The following PAPPA variants were observed in gnomAD, a reference collection of about 807,000 sequenced individuals.
The protein encoded by PAPPA is pappalysin 1.
PAPPA carries 60 observed loss-of-function variants against 164.0 expected under a neutral mutation model. The observed-to-expected ratio is 0.37, with a 90% CI of 0.30 to 0.45. PAPPA has a LOEUF of 0.45. Ranked by LOEUF, PAPPA falls within the 20% of genes least tolerant of loss-of-function variation. PAPPA has a pLI of 1.00. For missense variants in PAPPA, 1,782 were observed against 2,087.3 expected (o/e 0.85, Z 2.85); for synonymous variants, 875 against 814.1 (o/e 1.07, Z -1.27).
At chr9:116,332,944 A>C (rs1164559568) in intron 12 of PAPPA, 5 of 154,178 alleles carry the variant, frequency 3.2e-5, no homozygotes, top group African/African-American at 1.2e-4. Flanking sequence ...TGGGGACTGT[A>C]TCACCAGTAC....
intron 9 of PAPPA, among the ~76,000 whole-genome samples, chr9:116,275,190 A>G (rs532162579): frequency 6.6e-6 from 1 of 152,332 alleles, no homozygotes; most frequent in African/African-American, 2.4e-5. Context: ...GTTTTTGTTG[A>G]CTGTCACTCA....
chr9:116,331,397 G>A (rs376148072), intron 11 of PAPPA, 40 bp downstream of exon 11: 5 of 1,236,782 alleles, frequency 4.0e-6, no homozygotes, highest in South Asian at 3.6e-5. Context: ...CTCCAGCAGC[G>A]AGCCACAGAA....
At chr9:116,373,615 G>C (rs1846605123) in intron 19 of PAPPA, 1 of 151,910 alleles carries the variant, frequency 6.6e-6, no homozygotes, top group Non-Finnish European at 1.5e-5. Flanking sequence ...CTGTCTTCTT[G>C]GGCCTTCATC....
chr9:116,256,221 T>C (rs1844926004), intron 7 of PAPPA, among the ~76,000 whole-genome samples: 1 of 151,960 alleles, frequency 6.6e-6, no homozygotes, highest in African/African-American at 2.4e-5. Flanking sequence ...TTACTAAATT[T>C]TGACTTTGGT....
intron 7 of PAPPA, among the ~76,000 whole-genome samples, chr9:116,251,987 A>G (rs577574928): frequency 9.9e-5 from 15 of 152,258 alleles, no homozygotes; most frequent in African/African-American, 3.1e-4. Context: ...TTTCCCTTCT[A>G]TTTTGTTTTA....
At chr9:116,310,401 G>T (rs1000204507) in intron 10 of PAPPA, among the ~76,000 whole-genome samples, 4 of 152,148 alleles carry the variant, frequency 2.6e-5, no homozygotes, top group African/African-American at 7.2e-5. Context: ...GAGCACGTGT[G>T]CAAGTCATCT....
In PAPPA at chr9:116,398,469, T is replaced by G. The variant is rs8653; in HGVS notation, c.*1853T>G. ...ATCCAAGGCAGGTGTTGTTAATCTA[T>G]CATAGCACTTAAAAAAAAAAAAAAA... On this transcript the variant is annotated 3_prime_UTR_variant, in exon 22 of 22. Transcript: ENST00000328252. 260,120 of 720,434 alleles carry G rather than the reference T, an allele frequency of 0.36. 50,349 individuals carry two copies. Among genetic ancestry groups the G allele is most frequent in the Non-Finnish European group, 0.4 (204,200 of 516,620 alleles). The allele number at this position is 720,434 out of a possible 1,614,324, so 44.6% of individuals were successfully genotyped here.
chr9:116,180,600 C>T (rs964308822), intron 1 of PAPPA, among the ~76,000 whole-genome samples: 1 of 152,102 alleles, frequency 6.6e-6, no homozygotes, highest in African/African-American at 2.4e-5. Flanking sequence ...TTTTCTCCTT[C>T]TATATCTACT....
intron 2 of PAPPA, among the ~76,000 whole-genome samples, chr9:116,200,147 A>C (rs1055663732): frequency 1.3e-5 from 2 of 152,136 alleles, no homozygotes; most frequent in Admixed American, 1.3e-4. Context: ...CAACCTTGCA[A>C]GTGAGGGCTT....
At chr9:116,202,691 T>C (rs1844185257) in intron 2 of PAPPA, among the ~76,000 whole-genome samples, 1 of 152,110 alleles carries the variant, frequency 6.6e-6, no homozygotes, top group Non-Finnish European at 1.5e-5. Context: ...TACTGCTGTT[T>C]GGTTTTTGGC....
chr9:116,180,652 A>C (rs117687474), intron 1 of PAPPA, among the ~76,000 whole-genome samples: 3 of 152,166 alleles, frequency 2.0e-5, no homozygotes. Context: ...AATTGCATAT[A>C]AATTGTCATC....
intron 9 of PAPPA, among the ~76,000 whole-genome samples, chr9:116,276,144 C>T (rs922665482): frequency 4.6e-5 from 7 of 152,186 alleles, no homozygotes; most frequent in African/African-American, 1.7e-4. Flanking sequence ...CAGGCACTGG[C>T]TGCAGGCATT....
At chr9:116,158,998 C>T (rs1313105401) in intron 1 of PAPPA, among the ~76,000 whole-genome samples, 3 of 152,200 alleles carry the variant, frequency 2.0e-5, no homozygotes, top group African/African-American at 7.2e-5. Flanking sequence ...GGAACATTTC[C>T]ATTCCTTTCT....
chr9:116,305,543 A>C (rs975748779), intron 10 of PAPPA, among the ~76,000 whole-genome samples: 3 of 152,180 alleles, frequency 2.0e-5, no homozygotes, highest in Admixed American at 6.5e-5. Context: ...TGGGAGTACC[A>C]AAGCAGATAG....
rs550101368 is a variant in PAPPA, at chr9:116,277,224, T to C, written c.2953+5808T>C. 7.9e-5 allele frequency among the ~76,000 whole-genome samples: 12 copies of C among 152,302 alleles called. No homozygotes were observed. In the East Asian group the frequency reaches 2.3e-3, roughly 29 times the overall value. Reference sequence around the variant, plus strand: ...AAATAAAACTTCTCCAGACTGCATGTATTCAATCAGACCTCCCTCCGTGGA... The same window carrying C: ...AAATAAAACTTCTCCAGACTGCATGCATTCAATCAGACCTCCCTCCGTGGA... On this transcript the variant is annotated intron_variant, in intron 9 of 21. Transcript: ENST00000328252.
intron 5 of PAPPA, among the ~76,000 whole-genome samples, chr9:116,223,792 A>G (rs984794457): frequency 2.6e-5 from 4 of 152,224 alleles, no homozygotes; most frequent in Non-Finnish European, 5.9e-5. Context: ...ATGCCAGGTC[A>G]TACATTTCCC....
chr9:116,262,426 T>A (rs1161805789), intron 7 of PAPPA, among the ~76,000 whole-genome samples: 2 of 152,218 alleles, frequency 1.3e-5, no homozygotes, highest in African/African-American at 4.8e-5. Flanking sequence ...TCTCAGGTGA[T>A]CTGCTAAAAT....
chr9:116,221,225 G>T (rs572497779), intron 5 of PAPPA, among the ~76,000 whole-genome samples: 2 of 152,128 alleles, frequency 1.3e-5, no homozygotes, highest in African/African-American at 4.8e-5. Flanking sequence ...AGCTCTAAGG[G>T]GACCAGATTT....
chr9:116,266,484 G>A (rs10983092), intron 8 of PAPPA, among the ~76,000 whole-genome samples: 26,403 of 152,126 alleles, frequency 0.17, 2,556 homozygotes, highest in Admixed American at 0.28. Flanking sequence ...AAAAACAGTG[G>A]AGTATTTTAA....
Sources: allele counts gnomAD v4.1 joint callset (sites outside exome capture counted in the v4.1 genomes callset), GRCh38; gene constraint gnomAD v4.1.1; transcripts MANE v1.5; gene names NCBI Gene and HGNC (gene_info 2026-07-23, HGNC 2026-07-21).